Variants in ARHGAP22 observed in about 807,000 individuals in gnomAD.
ARHGAP22 encodes the protein Rho GTPase activating protein 22.
A neutral mutation model predicts 59.1 loss-of-function variants in ARHGAP22; 48 were observed. The ratio of observed to expected loss-of-function variants is 0.81; its 90% CI spans 0.64 to 1.03. The LOEUF (loss-of-function observed/expected upper bound fraction) is 1.03. Ranked by LOEUF, ARHGAP22 falls within the 50% of genes least tolerant of loss-of-function variation. The pLI, the probability that ARHGAP22 is intolerant of heterozygous loss-of-function variation, is 0.00. For synonymous variants in ARHGAP22, 445 were observed against 416.4 expected (o/e 1.07, Z -0.84); for missense variants, 1,015 against 958.7 (o/e 1.06, Z -0.78).
chr10:48,450,474 G>T lies in ARHGAP22; in HGVS notation c.1655C>A (p.Ser552Tyr). The T allele has an allele frequency of 6.5e-7, 1 of 1,540,358 alleles. No individual in the cohort carries two copies. Among genetic ancestry groups the T allele is most frequent in the Admixed American group, 1.9e-5 (1 of 51,588 alleles). Reference sequence around the variant, plus strand: ...GTCCTCGCTGCTGCTGGGGAGCGGGGAGGGCTCCAGGGCCCAGTCGGTGTG... The same window carrying T: ...GTCCTCGCTGCTGCTGGGGAGCGGGTAGGGCTCCAGGGCCCAGTCGGTGTG... Reference protein sequence around the residue: ...SLHTDWALEPSPLPSSSEDPK... With the variant: ...SLHTDWALEPYPLPSSSEDPK... Residue 552 changes from serine (S) to tyrosine (Y), a missense_variant, in exon 9 of 10, where the codon TCC (serine) becomes TAC (tyrosine). Ser to Tyr is a moderately radical substitution (Grantham distance 144). Coordinates refer to ENST00000249601, the MANE Select transcript of ARHGAP22 (RefSeq NM_021226.4).
chr10:48,560,322 T>C (rs764893435), intron 2 of ARHGAP22, among the ~76,000 whole-genome samples: 16 of 152,188 alleles, frequency 1.1e-4, no homozygotes, highest in African/African-American at 3.4e-4. Flanking sequence ...TTCTGACCAA[T>C]GAACACAGTA....
At chr10:48,548,178 C>T (rs1276453349) in intron 3 of ARHGAP22, among the ~76,000 whole-genome samples, 1 of 152,042 alleles carries the variant, frequency 6.6e-6, no homozygotes, top group Non-Finnish European at 1.5e-5. Flanking sequence ...CACCCGCTCG[C>T]CCCTCCCAGC....
chr10:48,641,061 C>T (rs1458808130), intron 1 of ARHGAP22, among the ~76,000 whole-genome samples: 2 of 151,946 alleles, frequency 1.3e-5, no homozygotes, highest in Admixed American at 6.6e-5. Flanking sequence ...AGGTAAAATG[C>T]ATATTGTAAT....
chr10:48,455,536 C>T (rs2046407521), intron 5 of ARHGAP22, among the ~76,000 whole-genome samples: 1 of 152,218 alleles, frequency 6.6e-6, no homozygotes, highest in South Asian at 2.1e-4. Context: ...TGCCCTGGGC[C>T]AGAGGAATCA....
intron 9 of ARHGAP22, among the ~76,000 whole-genome samples, chr10:48,447,812 G>A (rs2045512926): frequency 6.6e-6 from 1 of 152,164 alleles, no homozygotes; most frequent in Non-Finnish European, 1.5e-5. Flanking sequence ...CCTTCCCTCA[G>A]CTGCTCAGCT....
At position 48,539,290 on chromosome 10, in the gene ARHGAP22, C is replaced by CTTTTTTTTTT. The variant is rs553835954; in HGVS notation, c.322+16172_322+16173insAAAAAAAAAA. 5.4e-4 allele frequency among the ~76,000 whole-genome samples: 70 copies of CTTTTTTTTTT among 129,310 alleles called. 11 individuals carry two copies. The highest frequency in any genetic ancestry group is 2.5e-3 in the East Asian group (8 of 3,214). 84.8% of individuals were successfully genotyped at this position (129,310 alleles called of 152,430 possible). ...CTAACAATTAGTATGAGAAGGGTAA[C>CTTTTTTTTTT]ATTTTTTTTTTTTTTTTTTGAGACG... On this transcript the variant is annotated intron_variant, in intron 3 of 9. Transcript: ENST00000249601.
At chr10:48,472,658 C>T (rs1374171495) in intron 4 of ARHGAP22, among the ~76,000 whole-genome samples, 1 of 152,260 alleles carries the variant, frequency 6.6e-6, no homozygotes, top group Admixed American at 6.5e-5. Flanking sequence ...CCATCTGCCT[C>T]TGTGCTGCTT....
intron 1 of ARHGAP22, among the ~76,000 whole-genome samples, chr10:48,618,602 T>A (rs1181567262): frequency 6.6e-6 from 1 of 152,118 alleles, no homozygotes; most frequent in Non-Finnish European, 1.5e-5. Flanking sequence ...ATCCATGTGA[T>A]CATCTCAATA....
At chr10:48,506,150 A>T (rs192815911) in intron 3 of ARHGAP22, among the ~76,000 whole-genome samples, 6 of 151,928 alleles carry the variant, frequency 3.9e-5, no homozygotes, top group Admixed American at 3.3e-4. Flanking sequence ...ACTCTTTTTC[A>T]CTCAAGTTCT....
At chr10:48,560,558 T>A (rs2057621323) in intron 2 of ARHGAP22, among the ~76,000 whole-genome samples, 1 of 152,306 alleles carries the variant, frequency 6.6e-6, no homozygotes, top group Non-Finnish European at 1.5e-5. Flanking sequence ...GTGGTGAGAA[T>A]AAATATCATT....
chr10:48,655,272 C>CTT (rs2062775507), upstream of ARHGAP22, among the ~76,000 whole-genome samples: 5 of 87,152 alleles, frequency 5.7e-5, no homozygotes, highest in African/African-American at 2.3e-4. Flanking sequence ...GGGGGGGGGG[C>CTT]GGGGGACGCT....
At chr10:48,626,276 C>G (rs1376959089) in intron 1 of ARHGAP22, among the ~76,000 whole-genome samples, 2 of 152,162 alleles carry the variant, frequency 1.3e-5, no homozygotes, top group African/African-American at 4.8e-5. Flanking sequence ...GGCATGGAAA[C>G]TGGAGAGGTG....
chr10:48,529,762 A>G lies in ARHGAP22; in HGVS notation c.322+25701T>C, dbSNP rs113967720. Among the ~76,000 whole-genome samples, 1,391 of 152,326 alleles carry G rather than the reference A, an allele frequency of 9.1e-3. 22 individuals are homozygous for G. The highest frequency in any genetic ancestry group is 0.032 in the African/African-American group (1,329 of 41,558). On this transcript the variant is annotated intron_variant, in intron 3 of 9. Coordinates refer to ENST00000249601, the MANE Select transcript of ARHGAP22 (RefSeq NM_021226.4). ...TACTGGTATAAAAATAGGCATATAG[A>G]CGATTGGAACAGAATAGAGAACCCA...
intron 1 of ARHGAP22, among the ~76,000 whole-genome samples, chr10:48,638,351 C>T (rs1357255565): frequency 6.6e-6 from 1 of 152,160 alleles, no homozygotes; most frequent in East Asian, 1.9e-4. Flanking sequence ...TCCACCTTCC[C>T]ATGAAGCCTT....
intron 1 of ARHGAP22, among the ~76,000 whole-genome samples, chr10:48,610,420 T>C (rs1215714529): frequency 6.6e-6 from 1 of 152,164 alleles, no homozygotes; most frequent in Non-Finnish European, 1.5e-5. Context: ...TCTAGAGTCA[T>C]TCAGCCCTGG....
downstream of ARHGAP22, chr10:48,444,903 A>C (rs886860333): frequency 6.6e-6 from 1 of 152,264 alleles, no homozygotes; most frequent in Non-Finnish European, 1.5e-5. Context: ...GAAAAATCCC[A>C]TCACCCAGAC....
the ARHGAP22 span, chr10:48,434,990 T>C: frequency 1.9e-6 from 3 of 1,605,896 alleles, no homozygotes; most frequent in South Asian, 3.3e-5. Flanking sequence ...CAGACAGCAG[T>C]CTAGAAGCAG....
chr10:48,624,594 T>C (rs1288383580), intron 1 of ARHGAP22, among the ~76,000 whole-genome samples: 1 of 152,212 alleles, frequency 6.6e-6, no homozygotes, highest in Non-Finnish European at 1.5e-5. Flanking sequence ...CCCAAGTCCC[T>C]TTCCTTCAAT....
intron 2 of ARHGAP22, 25 bp downstream of exon 2, chr10:48,582,928 G>A (rs1462973497): frequency 1.1e-5 from 18 of 1,612,448 alleles, no homozygotes; most frequent in South Asian, 7.7e-5. Context: ...CGATGCCCAC[G>A]GCACACCGGA....
Sources: gnomAD v4.1 joint callset for allele counts (sites outside exome capture counted in the v4.1 genomes callset) on GRCh38, gnomAD v4.1.1 for gene constraint, MANE v1.5 for transcripts, NCBI Gene and HGNC (gene_info 2026-07-23, HGNC 2026-07-21) for gene names.